Variants in ULK4 observed in about 807,000 individuals in gnomAD.
ULK4 encodes unc-51 like kinase 4, also known as inactive serine/threonine-protein kinase ULK4.
ULK4 carries 133 observed loss-of-function variants against 160.6 expected under a neutral mutation model. The observed-to-expected ratio is 0.83, with a 90% CI of 0.72 to 0.96. ULK4 has a LOEUF of 0.96. Among genes scored for constraint, ULK4 ranks in the 40% least tolerant of loss-of-function variants. The pLI is 0.00. For synonymous variants in ULK4, 534 were observed against 539.8 expected, an observed-to-expected ratio of 0.99 and a Z score of 0.15; for missense variants, 1,580 against 1,499.5, an observed-to-expected ratio of 1.05 and a Z score of -0.89.
intron 35 of ULK4, among the ~76,000 whole-genome samples, chr3:41,370,747 G>T (rs2081347954): frequency 6.6e-6 from 1 of 152,186 alleles, no homozygotes; most frequent in Non-Finnish European, 1.5e-5. Context: ...CTAGCTGCAG[G>T]AGTATTTTTC....
chr3:41,373,121 G>A (rs1231612400), intron 35 of ULK4, among the ~76,000 whole-genome samples: 1 of 152,160 alleles, frequency 6.6e-6, no homozygotes, highest in Non-Finnish European at 1.5e-5. Context: ...CAATATAGGA[G>A]CACCCAGATT....
At chr3:41,744,181 T>G (rs2038340224) in intron 22 of ULK4, among the ~76,000 whole-genome samples, 1 of 151,834 alleles carries the variant, frequency 6.6e-6, no homozygotes, top group South Asian at 2.1e-4. Context: ...AGGAATAAAA[T>G]GTCAGACTTA....
In ULK4 at chr3:41,689,287, T is replaced by C. The variant is rs138057489; in HGVS notation, c.2782-7483A>G. Among the ~76,000 whole-genome samples, 518 of 152,336 alleles carry C rather than the reference T, an allele frequency of 3.4e-3. 1 individual carries two copies. The highest frequency in any genetic ancestry group is 0.012 in the African/African-American group (490 of 41,584). On this transcript the variant is annotated intron_variant, in intron 27 of 36. Transcript: ENST00000301831. The stretch of plus-strand genomic sequence containing the variant: ...GATTTCTACCCACCAGTGTAAGTCA[T>C]AGAATATAGCCCCTTTTTAATAATT...
At chr3:41,702,230 C>G (rs1489759794) in intron 27 of ULK4, among the ~76,000 whole-genome samples, 2 of 152,016 alleles carry the variant, frequency 1.3e-5, no homozygotes, top group Admixed American at 6.6e-5. Context: ...CTTGAACCTC[C>G]ACCTCCCAGA....
chr3:41,333,018 A>T (rs1362315762), intron 35 of ULK4, among the ~76,000 whole-genome samples: 3 of 152,218 alleles, frequency 2.0e-5, no homozygotes, highest in Non-Finnish European at 4.4e-5. Context: ...TGAGATCCAG[A>T]GGATGCGATA....
chr3:41,441,842 T>C (rs920117189), intron 34 of ULK4, among the ~76,000 whole-genome samples: 6 of 152,198 alleles, frequency 3.9e-5, no homozygotes, highest in African/African-American at 1.4e-4. Context: ...TTGCTTCTAA[T>C]AGTTGTTTTG....
In ULK4 at chr3:41,663,644, G is replaced by C; in HGVS notation, c.3034C>G (p.Leu1012Val). The change falls in exon 30 of 37, where the codon CTA becomes GTA. Residue 1012 changes from leucine to valine, a missense_variant. Physicochemically the swap from Leu to Val is conservative, Grantham distance 32. Coordinates refer to ENST00000301831, the MANE Select transcript of ULK4 (RefSeq NM_017886.4). Reference sequence around the variant, plus strand: ...GGGTTGTGTTCAGTCATCGCGACTAGCAGTTTCAGAGCATATGCTGGTACT... The same window carrying C: ...GGGTTGTGTTCAGTCATCGCGACTACCAGTTTCAGAGCATATGCTGGTACT... Reference protein sequence around the residue: ...DPVPAYALKLLVAMTEHNPTF... With the variant: ...DPVPAYALKLVVAMTEHNPTF... The C allele has an allele frequency of 6.2e-7, 1 of 1,613,932 alleles. No individual in the cohort carries two copies. The highest frequency in any genetic ancestry group is 8.5e-7 in the Non-Finnish European group (1 of 1,179,886).
intron 21 of ULK4, among the ~76,000 whole-genome samples, chr3:41,781,168 A>G (rs1390625360): frequency 6.6e-6 from 1 of 152,222 alleles, no homozygotes; most frequent in Non-Finnish European, 1.5e-5. Flanking sequence ...GCAAACAGAT[A>G]TCTGATTGAA....
intron 35 of ULK4, among the ~76,000 whole-genome samples, chr3:41,317,037 T>C (rs1212858081): frequency 6.6e-6 from 1 of 151,044 alleles, no homozygotes; most frequent in African/African-American, 2.4e-5. Flanking sequence ...ATTGGAAATT[T>C]TGATGTAAAA....
At chr3:41,590,761 T>A (rs1196220269) in intron 31 of ULK4, among the ~76,000 whole-genome samples, 3 of 146,296 alleles carry the variant, frequency 2.1e-5, no homozygotes, top group African/African-American at 5.1e-5. Context: ...ATACAGTATA[T>A]CCAAAACTAG....
At chr3:41,310,087 T>C (rs1281021955) in intron 35 of ULK4, among the ~76,000 whole-genome samples, 1 of 152,196 alleles carries the variant, frequency 6.6e-6, no homozygotes, top group Non-Finnish European at 1.5e-5. Context: ...TGAAGGCTCC[T>C]CAACCTTTTT....
chr3:41,912,497 C>T (rs1438429573), intron 9 of ULK4, among the ~76,000 whole-genome samples: 1 of 152,066 alleles, frequency 6.6e-6, no homozygotes, highest in African/African-American at 2.4e-5. Flanking sequence ...ATGACCACAC[C>T]TAACATAAAG....
At chr3:41,529,026 C>A (rs2086214322) in intron 32 of ULK4, among the ~76,000 whole-genome samples, 1 of 146,054 alleles carries the variant, frequency 6.8e-6, no homozygotes, top group African/African-American at 2.8e-5. Flanking sequence ...TTTAACTCAA[C>A]TTTATCTTTA....
At chr3:41,957,650 C>T (rs1700529033) in intron 1 of ULK4, among the ~76,000 whole-genome samples, 1 of 151,056 alleles carries the variant, frequency 6.6e-6, no homozygotes, top group Non-Finnish European at 1.5e-5. Context: ...GAGATTGAGG[C>T]TGCAGTGAGC....
At chr3:41,610,820 A>G (rs1049910406) in intron 31 of ULK4, among the ~76,000 whole-genome samples, 5 of 152,238 alleles carry the variant, frequency 3.3e-5, no homozygotes, top group African/African-American at 1.2e-4. Context: ...ATTTTGGCAC[A>G]TATTGGAAAA....
intron 17 of ULK4, among the ~76,000 whole-genome samples, chr3:41,838,816 C>A (rs1424426209): frequency 1.3e-5 from 2 of 152,202 alleles, no homozygotes; most frequent in Non-Finnish European, 2.9e-5. Flanking sequence ...ACCCCCCTCT[C>A]ATGCACAGAA....
chr3:41,740,273 C>A (rs972951465), intron 22 of ULK4, among the ~76,000 whole-genome samples: 1 of 151,736 alleles, frequency 6.6e-6, no homozygotes, highest in African/African-American at 2.4e-5. Context: ...AAAATCAAAG[C>A]AGATTTTTTT....
At chr3:41,932,882 C>T (rs1254458628) in intron 4 of ULK4, among the ~76,000 whole-genome samples, 3 of 151,724 alleles carry the variant, frequency 2.0e-5, no homozygotes, top group South Asian at 4.2e-4. Flanking sequence ...TATCTCTACT[C>T]AAAATACAAA....
chr3:41,887,288 A>T (rs1697760528), intron 16 of ULK4, among the ~76,000 whole-genome samples: 1 of 152,358 alleles, frequency 6.6e-6, no homozygotes, highest in Middle Eastern at 3.4e-3. Context: ...GATAATCCAC[A>T]TGCAGAAATT....
Sources: gnomAD v4.1 joint callset for allele counts (sites outside exome capture counted in the v4.1 genomes callset) on GRCh38, gnomAD v4.1.1 for gene constraint, MANE v1.5 for transcripts, NCBI Gene and HGNC (gene_info 2026-07-23, HGNC 2026-07-21) for gene names.